The following DENND4C variants were observed in gnomAD, a reference collection of about 807,000 sequenced individuals.
DENND4C encodes the protein DENN domain containing 4C.
Under a neutral mutation model 203.0 loss-of-function variants are expected in DENND4C, and 108 were observed. The ratio of observed to expected loss-of-function variants is 0.53; its 90% CI spans 0.46 to 0.62. DENND4C has a LOEUF of 0.62. DENND4C is among the 20% of genes least tolerant of loss of function. The pLI, the probability that DENND4C is intolerant of heterozygous loss-of-function variation, is 0.00. For synonymous variants in DENND4C, 871 were observed against 792.4 expected (o/e 1.10, Z -1.67); for missense variants, 2,481 against 2,301.2 (o/e 1.08, Z -1.60).
chr9:19,262,080 T>G (rs1222064966), intron 1 of DENND4C, among the ~76,000 whole-genome samples: 1 of 33,572 alleles, frequency 3.0e-5, no homozygotes, highest in Non-Finnish European at 6.2e-5. Context: ...TTAGTTCTTT[T>G]TTTTTTTTTT....
chr9:19,368,247 G>C (rs183664868), intron 30 of DENND4C, among the ~76,000 whole-genome samples: 3 of 146,194 alleles, frequency 2.1e-5, no homozygotes, highest in African/African-American at 5.2e-5. Context: ...TCATAACAGA[G>C]GACTTTGCTA....
chr9:19,237,056 T>A (rs369990098), intron 1 of DENND4C, among the ~76,000 whole-genome samples: 102 of 152,338 alleles, frequency 6.7e-4, no homozygotes, highest in African/African-American at 2.4e-3. Flanking sequence ...GTTTTGCTCT[T>A]GTTGCCCGGG....
At chr9:19,287,799 C>G (rs1335075103) in intron 3 of DENND4C, among the ~76,000 whole-genome samples, 1 of 152,028 alleles carries the variant, frequency 6.6e-6, no homozygotes, top group Non-Finnish European at 1.5e-5. Flanking sequence ...GTGGCGTGAT[C>G]TTGGCTCACT....
intron 15 of DENND4C, 139 bp downstream of exon 15, chr9:19,326,333 T>C: frequency 1.2e-6 from 1 of 858,584 alleles, no homozygotes; most frequent in Non-Finnish European, 1.6e-6. Flanking sequence ...AAATATTTTA[T>C]GGAAATGCCA....
intron 1 of DENND4C, among the ~76,000 whole-genome samples, chr9:19,243,724 A>T (rs375936622): frequency 2.0e-5 from 3 of 152,272 alleles, no homozygotes; most frequent in African/African-American, 7.2e-5. Flanking sequence ...GAAACACCAC[A>T]TTTTGTTTAT....
chr9:19,346,927 G>A lies in DENND4C; in HGVS notation c.4158G>A (p.Ser1386=), dbSNP rs370975988. 3.5e-5 allele frequency: 57 copies of A among 1,614,048 alleles called. No individual in the cohort carries two copies. The East Asian group carries it at 4.7e-4, about 13-fold the overall frequency. Residue 1386 remains serine (S), a synonymous_variant, in exon 23 of 33, where the codon TCG becomes TCA. Coordinates refer to ENST00000434457, the MANE Select transcript of DENND4C (RefSeq NM_001330640.2). Reference sequence around the variant, plus strand: ...TGGTGCGTTCTTCGCCACATGGCTCGTTGGGTTCTGTAGTAAATTCTTTGT... The same window carrying A: ...TGGTGCGTTCTTCGCCACATGGCTCATTGGGTTCTGTAGTAAATTCTTTGT... The part of the protein sequence containing the change: ...SALVRSSPHG[S]LGSVVNSLSG...
intron 9 of DENND4C, 84 bp from the exon 10 acceptor site, chr9:19,305,268 G>T: frequency 5.0e-6 from 6 of 1,194,362 alleles, no homozygotes; most frequent in African/African-American, 1.5e-5. Flanking sequence ...CTTTTCAGTG[G>T]TCCCTTTTCA....
chr9:19,311,394 A>G (rs1840714301), intron 10 of DENND4C, among the ~76,000 whole-genome samples: 1 of 152,142 alleles, frequency 6.6e-6, no homozygotes, highest in African/African-American at 2.4e-5. Flanking sequence ...CTAAAGTCCT[A>G]GAATTATAGG....
chr9:19,351,236 GATTATATC>G (rs1222696135), intron 24 of DENND4C, among the ~76,000 whole-genome samples: 1 of 152,122 alleles, frequency 6.6e-6, no homozygotes, highest in African/African-American at 2.4e-5. Flanking sequence ...TATATTCACG[GATTATATC>G]ATTAGTTCTC....
chr9:19,298,043 T>A lies in DENND4C; in HGVS notation c.1041-13T>A, dbSNP rs575280311. 1.1e-4 allele frequency: 171 copies of A among 1,572,536 alleles called. No individual in the cohort carries two copies. The highest frequency in any genetic ancestry group is 1.0e-3 in the African/African-American group (76 of 73,628). On this transcript the variant is annotated splice_polypyrimidine_tract_variant and intron_variant, in intron 6 of 32. Transcript: ENST00000434457. ...AAGTAATTATTATATTTATTTCAAATTTTTTTTTCTAGGCACATTTCACAT... is the reference window on the plus strand; with the variant it reads ...AAGTAATTATTATATTTATTTCAAAATTTTTTTTCTAGGCACATTTCACAT...
In DENND4C at chr9:19,283,096, G is replaced by A. The variant is rs1197538439; in HGVS notation, c.306-3673G>A. On this transcript the variant is annotated intron_variant, in intron 2 of 32. Transcript: ENST00000434457. The stretch of plus-strand genomic sequence containing the variant: ...TTGCCCAGGCTGTTCTTGAACTCCT[G>A]GCCTCAAGCAATTCTGCATTGGCCC... 2.0e-5 allele frequency among the ~76,000 whole-genome samples: 3 copies of A among 151,888 alleles called. No individual in the cohort carries two copies. The East Asian group carries it at 5.8e-4, about 29-fold the overall frequency.
At chr9:19,298,425 A>G (rs1417169851) in intron 7 of DENND4C, among the ~76,000 whole-genome samples, 1 of 152,174 alleles carries the variant, frequency 6.6e-6, no homozygotes, top group African/African-American at 2.4e-5. Context: ...TGTTTTTAAT[A>G]CCAGATTCTC....
rs1051441671 is a variant in DENND4C, at chr9:19,356,900, T to G, written c.4782-72T>G. On this transcript the variant is annotated intron_variant, in intron 26 of 32. Transcript: ENST00000434457. The stretch of plus-strand genomic sequence containing the variant: ...ATGACTGCTTTAGCAATAAAATGAT[T>G]CTAAATATGATAGAATTTTAGAAAA... 3.6e-6 allele frequency: 5 copies of G among 1,398,050 alleles called. No homozygotes were observed. The South Asian group carries it at 6.5e-5, about 18-fold the overall frequency. 86.6% of individuals were successfully genotyped at this position (1,398,050 alleles called of 1,614,324 possible).
Position 19,355,992 on chromosome 9 carries a change from T to C in DENND4C, c.4782-980T>C, listed in dbSNP as rs143951602. On this transcript the variant is annotated intron_variant, in intron 26 of 32. Coordinates refer to ENST00000434457, the MANE Select transcript of DENND4C (RefSeq NM_001330640.2). ...TTAAGCTATCGTGACAAGCATTTTA[T>C]TTTATATTTTTCAAATTGGGTATAA... Among the ~76,000 whole-genome samples the C allele has an allele frequency of 8.7e-3, 1,324 of 152,274 alleles. 19 individuals are homozygous for C. The highest frequency in any genetic ancestry group is 0.027 in the African/African-American group (1,141 of 41,544).
intron 1 of DENND4C, among the ~76,000 whole-genome samples, chr9:19,235,715 A>G (rs993191151): frequency 2.1e-5 from 3 of 144,394 alleles, no homozygotes; most frequent in Non-Finnish European, 3.0e-5. Context: ...GGTTCATGCC[A>G]TTCTCCTGCC....
rs147531559 is a variant in DENND4C, at chr9:19,332,473, C to T, written c.2460+289C>T. Among the ~76,000 whole-genome samples, 1,103 of 151,770 alleles carry T rather than the reference C, an allele frequency of 7.3e-3. 16 individuals are homozygous for T. Among genetic ancestry groups the T allele is most frequent in the African/African-American group, 0.026 (1,066 of 41,316 alleles). On this transcript the variant is annotated intron_variant, in intron 17 of 32. Transcript: ENST00000434457. ...CCGGGTTCAGACAGTTCTTGTGCCT[C>T]CCGAGTAGCTGGAATTACAGGCACA...
intron 1 of DENND4C, among the ~76,000 whole-genome samples, chr9:19,268,888 T>C (rs1831056929): frequency 6.6e-6 from 1 of 152,206 alleles, no homozygotes; most frequent in South Asian, 2.1e-4. Context: ...CTTTGGGAGT[T>C]TGACAATTAA....
intron 10 of DENND4C, among the ~76,000 whole-genome samples, chr9:19,315,431 T>C (rs1180076676): frequency 6.6e-6 from 1 of 151,616 alleles, no homozygotes; most frequent in African/African-American, 2.4e-5. Context: ...TGCTAACTTT[T>C]GTAAGAAGAG....
intron 12 of DENND4C, among the ~76,000 whole-genome samples, chr9:19,323,502 T>TG (rs1400292302): frequency 6.6e-6 from 1 of 151,030 alleles, no homozygotes; most frequent in Admixed American, 6.6e-5. Context: ...TGTGGAAGAA[T>TG]GATGGTGGTA....
Sources: allele counts gnomAD v4.1 joint callset (sites outside exome capture counted in the v4.1 genomes callset), GRCh38; gene constraint gnomAD v4.1.1; transcripts MANE v1.5; gene names NCBI Gene and HGNC (gene_info 2026-07-23, HGNC 2026-07-21).